Variants in BPIFB4 observed in about 807,000 individuals in gnomAD.
The protein encoded by BPIFB4 is BPI fold containing family B member 4, also known as BPI fold-containing family B member 4.
A neutral mutation model predicts 69.2 loss-of-function variants in BPIFB4; 62 were observed. The observed-to-expected ratio is 0.90, with a 90% CI of 0.73 to 1.11. The LOEUF (loss-of-function observed/expected upper bound fraction) is 1.11. BPIFB4 is among the 50% of genes least tolerant of loss of function. The probability of loss-of-function intolerance (pLI) is 0.00; values close to 1 mark genes in which losing one functional copy is unlikely to be tolerated. For synonymous variants in BPIFB4, 330 were observed against 332.7 expected, an observed-to-expected ratio of 0.99 and a Z score of 0.09; for missense variants, 789 against 792.0, an observed-to-expected ratio of 1.00 and a Z score of 0.04.
chr20:33,084,415 A>G (rs1325949970), intron 5 of BPIFB4, among the ~76,000 whole-genome samples: 2 of 152,202 alleles, frequency 1.3e-5, no homozygotes, highest in Non-Finnish European at 2.9e-5. Context: ...AAACATAACC[A>G]TGCAGTTTCA....
At chr20:33,085,648 A>C (rs979618579) in intron 6 of BPIFB4, among the ~76,000 whole-genome samples, 3 of 152,202 alleles carry the variant, frequency 2.0e-5, no homozygotes, top group African/African-American at 7.2e-5. Flanking sequence ...GGGAAAGGCA[A>C]GCAAAATGCT....
Position 33,097,631 on chromosome 20 carries a change from C to G in BPIFB4, c.1413C>G (p.Tyr471Ter). 1.2e-6 allele frequency: 2 copies of G among 1,613,964 alleles called. No homozygotes were observed. Among genetic ancestry groups the G allele is most frequent in the Non-Finnish European group, 1.7e-6 (2 of 1,179,916 alleles). ...GALIPKVFQQ[Y>*]PESCPLIIRI... is the part of the protein sequence containing the mutation. ...CCTGCCCACAGGTGTTCCAGCAGTA[C>G]CCCGAGTCCTGCCCACTTATCATCA... Residue 471 changes from tyrosine (Y) to a stop codon, truncating the protein, a stop_gained, in exon 13 of 18, where the codon TAC becomes TAG. Transcript: ENST00000375483. LOFTEE classifies it high-confidence loss of function.
intron 16 of BPIFB4, among the ~76,000 whole-genome samples, chr20:33,106,527 C>CACACCCAGCTA (rs1982062218): frequency 6.6e-6 from 1 of 151,970 alleles, no homozygotes; most frequent in Non-Finnish European, 1.5e-5. Flanking sequence ...TGTGCACCAC[C>CACACCCAGCTA]ACACCCAGCT....
intron 17 of BPIFB4, 125 bp downstream of exon 17, chr20:33,107,945 T>C (rs1982118459): frequency 1.3e-6 from 1 of 787,854 alleles, no homozygotes; most frequent in Non-Finnish European, 2.1e-6. Flanking sequence ...GGAAACAGGG[T>C]CCTCTTCCTT....
chr20:33,099,741 G>T (rs1981854780), intron 13 of BPIFB4, among the ~76,000 whole-genome samples: 1 of 152,048 alleles, frequency 6.6e-6, no homozygotes, highest in Non-Finnish European at 1.5e-5. Context: ...TACACCCCTG[G>T]CACGTGCACC....
At chr20:33,083,123 G>C (rs372163908) in intron 4 of BPIFB4, 123 bp downstream of exon 4, 2 of 934,862 alleles carry the variant, frequency 2.1e-6, no homozygotes, top group Non-Finnish European at 3.3e-6. Flanking sequence ...TGGAGGGGGT[G>C]GCAGTGATCT....
intron 14 of BPIFB4, among the ~76,000 whole-genome samples, chr20:33,101,827 T>C (rs995957878): frequency 3.3e-5 from 5 of 152,260 alleles, no homozygotes; most frequent in Non-Finnish European, 7.3e-5. Flanking sequence ...ATTATGGGCA[T>C]GAGCCACTGC....
In BPIFB4 at chr20:33,097,602, GGT is replaced by G; in HGVS notation, c.1399-13_1399-12del. The G allele has an allele frequency of 6.2e-7, 1 of 1,612,168 alleles. No homozygotes were observed. The highest frequency in any genetic ancestry group is 8.5e-7 in the Non-Finnish European group (1 of 1,178,860). On this transcript the variant is annotated splice_polypyrimidine_tract_variant and intron_variant, in intron 12 of 17. Transcript: ENST00000375483. ...GCTAAGGGCCCTGTCCATCTGGCCT[GGT>G]GCCTGCCCACAGGTGTTCCAGCAGT...
intron 10 of BPIFB4, among the ~76,000 whole-genome samples, chr20:33,091,168 C>T (rs1014363460): frequency 6.6e-6 from 1 of 152,212 alleles, no homozygotes; most frequent in Non-Finnish European, 1.5e-5. Flanking sequence ...AATCGAGCTA[C>T]TAGGTGCTAA....
At chr20:33,105,690 G>A (rs375694193) in intron 16 of BPIFB4, among the ~76,000 whole-genome samples, 107 of 152,306 alleles carry the variant, frequency 7.0e-4, no homozygotes, top group African/African-American at 2.4e-3. Flanking sequence ...CTACACCAGC[G>A]GGGGTTCTGT....
chr20:33,085,099 C>A, intron 6 of BPIFB4, 103 bp downstream of exon 6: 1 of 1,500,714 alleles, frequency 6.7e-7, no homozygotes, highest in South Asian at 1.3e-5. Context: ...CAGTGCATGC[C>A]CACAGACTTG....
In BPIFB4 at chr20:33,089,585, T is replaced by C. The variant is rs764806250; in HGVS notation, c.1051+27T>C. 8 of 1,614,058 alleles carry C rather than the reference T, an allele frequency of 5.0e-6. No individual in the cohort carries two copies. In the Admixed American group the frequency reaches 5.0e-5, roughly 10 times the overall value. ...TAAGTCCAATACACTTTCTCCAGCC[T>C]GGGGAAGGCACTGAGGACCGGGCCC... On this transcript the variant is annotated intron_variant, in intron 9 of 17. Coordinates refer to ENST00000375483, the MANE Select transcript of BPIFB4 (RefSeq NM_182519.3).
intron 17 of BPIFB4, among the ~76,000 whole-genome samples, chr20:33,110,539 G>A (rs1036144932): frequency 5.3e-5 from 8 of 152,056 alleles, no homozygotes; most frequent in African/African-American, 9.7e-5. Context: ...CCTGTTTCTC[G>A]TTAGACTTTC....
Position 33,111,420 on chromosome 20 carries a change from T to G in BPIFB4, c.1828T>G (p.Leu610Val), listed in dbSNP as rs779361536. 6.2e-7 allele frequency: 1 copy of G among 1,613,878 alleles called. No homozygotes were observed. The highest frequency in any genetic ancestry group is 8.5e-7 in the Non-Finnish European group (1 of 1,179,918). The change falls in exon 18 of 18, where the codon TTG (leucine) becomes GTG (valine). Residue 610 changes from leucine to valine, a missense_variant. By Grantham distance (32) the Leu-to-Val change is conservative. This residue lies in a region of BPIFB4 where 170 missense variants were observed against 193.6 expected (regional missense o/e 0.88). Transcript: ENST00000375483. ...NADIDVLEDL[L>V]VLSA ...CTCTGTTCTGCCATCCAAGGACCTT[T>G]TGGTGCTGAGCGCATGAGTGACAGA...
intron 3 of BPIFB4, among the ~76,000 whole-genome samples, chr20:33,082,064 T>G (rs530691520): frequency 6.6e-6 from 1 of 152,356 alleles, no homozygotes; most frequent in East Asian, 1.9e-4. Flanking sequence ...CTCCTGGGAC[T>G]TAGAAGGCCC....
At chr20:33,106,260 A>G (rs1982051085) in intron 16 of BPIFB4, among the ~76,000 whole-genome samples, 1 of 152,188 alleles carries the variant, frequency 6.6e-6, no homozygotes, top group South Asian at 2.1e-4. Flanking sequence ...CCCACGGCAG[A>G]GTCAATGGCT....
chr20:33,085,833 G>A (rs142009268), intron 6 of BPIFB4, among the ~76,000 whole-genome samples, 188 bp from the exon 7 acceptor site: 6 of 152,314 alleles, frequency 3.9e-5, no homozygotes, highest in African/African-American at 1.4e-4. Flanking sequence ...GAAGCTCATG[G>A]GCTGAGGGGG....
Position 33,111,329 on chromosome 20 carries a change from C to T in BPIFB4, c.1822-85C>T, listed in dbSNP as rs145466482. The T allele has an allele frequency of 4.0e-5, 63 of 1,560,270 alleles. No individual in the cohort carries two copies. In the South Asian group the frequency reaches 5.3e-4, roughly 13 times the overall value. ...AGTTACTGCTTCCTAGAAACATGAC[C>T]GGCCAGATCCGTAGGCAGGTGAGTA... On this transcript the variant is annotated intron_variant, in intron 17 of 17. Transcript: ENST00000375483.
intron 11 of BPIFB4, 101 bp from the exon 12 acceptor site, chr20:33,094,999 T>G: frequency 8.5e-7 from 1 of 1,182,836 alleles, no homozygotes; most frequent in Non-Finnish European, 1.3e-6. Context: ...GACGCCCTGC[T>G]GGGTGTTGTA....
Sources: gnomAD v4.1 joint callset for allele counts (sites outside exome capture counted in the v4.1 genomes callset) on GRCh38, gnomAD v4.1.1 for gene constraint, gnomAD v4.1.1 regional missense constraint, MANE v1.5 for transcripts, NCBI Gene and HGNC (gene_info 2026-07-23, HGNC 2026-07-21) for gene names.